The following APP variants were observed in gnomAD, a reference collection of about 807,000 sequenced individuals.
APP encodes amyloid-beta precursor protein.
Under a neutral mutation model 101.4 loss-of-function variants are expected in APP, and 31 were observed. The observed-to-expected ratio is 0.31, with a 90% CI of 0.23 to 0.41. The LOEUF is 0.41. Among genes scored for constraint, APP ranks in the 10% least tolerant of loss-of-function variants. The pLI is 1.00. For missense variants in APP, 839 were observed against 1,003.7 expected, an observed-to-expected ratio of 0.84 and a Z score of 2.22; for synonymous variants, 366 against 364.4, an observed-to-expected ratio of 1.00 and a Z score of -0.05.
At chr21:25,984,234 G>GA (rs1003692564) in intron 8 of APP, among the ~76,000 whole-genome samples, 15 of 148,892 alleles carry the variant, frequency 1.0e-4, no homozygotes, top group East Asian at 2.0e-4. Context: ...CAATAATAAA[G>GA]AAAAAAAAGA....
At chr21:26,087,079 A>G (rs1406849168) in intron 3 of APP, among the ~76,000 whole-genome samples, 1 of 152,140 alleles carries the variant, frequency 6.6e-6, no homozygotes, top group Non-Finnish European at 1.5e-5. Context: ...TGGAAAACCT[A>G]TGTTTTTCAG....
At chr21:26,063,854 G>T (rs1031642817) in intron 3 of APP, among the ~76,000 whole-genome samples, 1 of 152,232 alleles carries the variant, frequency 6.6e-6, no homozygotes, top group Non-Finnish European at 1.5e-5. Context: ...AAAGTGGGAA[G>T]AAGAGTAATT....
At chr21:26,000,655 CA>C (rs1218720475) in intron 6 of APP, among the ~76,000 whole-genome samples, 1 of 152,120 alleles carries the variant, frequency 6.6e-6, no homozygotes, top group Non-Finnish European at 1.5e-5. Flanking sequence ...AAATTAATTG[CA>C]TATATTTTGA....
chr21:25,989,268 T>C (rs187957540), intron 8 of APP, among the ~76,000 whole-genome samples: 3 of 152,250 alleles, frequency 2.0e-5, no homozygotes, highest in Non-Finnish European at 4.4e-5. Flanking sequence ...TAAGTTGAAC[T>C]GTACATGCAC....
At chr21:26,027,484 C>T (rs918644345) in intron 5 of APP, among the ~76,000 whole-genome samples, 8 of 152,084 alleles carry the variant, frequency 5.3e-5, no homozygotes, top group East Asian at 1.9e-4. Context: ...AAAATGTTTC[C>T]GGGGAGGGAG....
chr21:25,900,632 A>G (rs2038395185), intron 15 of APP, among the ~76,000 whole-genome samples: 1 of 152,108 alleles, frequency 6.6e-6, no homozygotes, highest in Admixed American at 6.6e-5. Context: ...TTTTTAAGAA[A>G]ACTTTCTTGA....
chr21:26,050,896 C>CA, intron 5 of APP, 104 bp downstream of exon 5: 1 of 1,396,952 alleles, frequency 7.2e-7, no homozygotes, highest in Non-Finnish European at 1.0e-6. Flanking sequence ...TGGGAGTGGG[C>CA]AGAGACCTTT....
intron 3 of APP, among the ~76,000 whole-genome samples, chr21:26,067,916 T>TA (rs2046521733): frequency 6.8e-6 from 1 of 147,752 alleles, no homozygotes; most frequent in African/African-American, 2.6e-5. Context: ...TCTGCCTTAT[T>TA]TAAAAAAAAA....
intron 16 of APP, among the ~76,000 whole-genome samples, chr21:25,896,263 C>T (rs1318972130): frequency 1.3e-5 from 2 of 152,068 alleles, no homozygotes; most frequent in African/African-American, 4.8e-5. Context: ...GAATGCAAAT[C>T]CAAATCCCAA....
chr21:25,908,432 C>A (rs1327803882), intron 14 of APP, among the ~76,000 whole-genome samples: 1 of 152,078 alleles, frequency 6.6e-6, no homozygotes, highest in Non-Finnish European at 1.5e-5. Context: ...GCATGAAGAA[C>A]AAAAGGAAAT....
intron 8 of APP, among the ~76,000 whole-genome samples, chr21:25,992,554 T>C (rs529307887): frequency 1.3e-5 from 2 of 152,176 alleles, no homozygotes; most frequent in South Asian, 4.1e-4. Context: ...TAACCTGTAT[T>C]CAAAGTAGAT....
At chr21:26,163,196 C>T (rs1003413020) in intron 1 of APP, among the ~76,000 whole-genome samples, 6 of 133,992 alleles carry the variant, frequency 4.5e-5, no homozygotes, top group Non-Finnish European at 6.1e-5. Flanking sequence ...AGCCAAGACA[C>T]GCCACTGCAC....
chr21:26,039,482 G>A (rs1419249282), intron 5 of APP, among the ~76,000 whole-genome samples: 1 of 152,164 alleles, frequency 6.6e-6, no homozygotes, highest in East Asian at 1.9e-4. Flanking sequence ...AAATAAAATG[G>A]TGCTATGCTA....
chr21:25,969,373 A>T, intron 11 of APP, among the ~76,000 whole-genome samples: 1 of 142,118 alleles, frequency 7.0e-6, no homozygotes, highest in South Asian at 2.2e-4. Context: ...AAAAAAAAAA[A>T]GAAGGTATTT....
intron 11 of APP, among the ~76,000 whole-genome samples, chr21:25,965,158 GC>G (rs1267606811): frequency 6.6e-6 from 1 of 152,186 alleles, no homozygotes; most frequent in African/African-American, 2.4e-5. Context: ...ATGTCTTCAA[GC>G]TTTGTTTAGT....
chr21:26,020,044 C>T (rs2044270292), intron 6 of APP, among the ~76,000 whole-genome samples: 1 of 151,688 alleles, frequency 6.6e-6, no homozygotes, highest in Non-Finnish European at 1.5e-5. Flanking sequence ...TCTTTTTTTT[C>T]AAAGAACATG....
chr21:25,909,320 A>G (rs1040133342), intron 14 of APP, among the ~76,000 whole-genome samples: 1 of 151,616 alleles, frequency 6.6e-6, no homozygotes, highest in Non-Finnish European at 1.5e-5. Context: ...ATTGTTTGCT[A>G]TAATCAATAT....
intron 3 of APP, among the ~76,000 whole-genome samples, chr21:26,087,043 CCCTATGTTA>C (rs758046811): frequency 3.3e-5 from 5 of 152,158 alleles, no homozygotes; most frequent in Non-Finnish European, 7.4e-5. Context: ...ACACCTATGT[CCCTATGTTA>C]CCTATGTTAC....
chr21:25,886,666 A>G (rs1036950390), intron 17 of APP, among the ~76,000 whole-genome samples: 2 of 152,136 alleles, frequency 1.3e-5, no homozygotes, highest in Non-Finnish European at 2.9e-5. Flanking sequence ...AAATGCTGGG[A>G]TTACAGGTGT....
Sources: allele counts gnomAD v4.1 joint callset (sites outside exome capture counted in the v4.1 genomes callset), GRCh38; gene constraint gnomAD v4.1.1; transcripts MANE v1.5; gene names NCBI Gene and HGNC (gene_info 2026-07-23, HGNC 2026-07-21).